Variants in LPXN observed in about 807,000 individuals in gnomAD.
LPXN encodes leupaxin.
Under a neutral mutation model 45.6 loss-of-function variants are expected in LPXN, and 28 were observed. The ratio of observed to expected loss-of-function variants is 0.61; its 90% CI spans 0.45 to 0.84. The LOEUF (loss-of-function observed/expected upper bound fraction) is 0.84. Among genes scored for constraint, LPXN ranks in the 40% least tolerant of loss-of-function variants. The probability of loss-of-function intolerance (pLI) is 0.00; values close to 1 mark genes in which losing one functional copy is unlikely to be tolerated. For missense variants in LPXN, 459 were observed against 475.0 expected, an observed-to-expected ratio of 0.97 and a Z score of 0.31; for synonymous variants, 166 against 169.9, an observed-to-expected ratio of 0.98 and a Z score of 0.18.
rs561318679 is a variant in LPXN, at chr11:58,564,779, G to C, written c.172-578C>G. 3.3e-5 allele frequency among the ~76,000 whole-genome samples: 5 copies of C among 152,326 alleles called. 1 individual carries two copies. Among genetic ancestry groups the C allele is most frequent in the African/African-American group, 1.2e-4 (5 of 41,572 alleles). ...ATAATAAAGAAATTGGTATGTAAAAGTAATATTCTGCATAGAGGATGGGAA... is the reference window on the plus strand; with the variant it reads ...ATAATAAAGAAATTGGTATGTAAAACTAATATTCTGCATAGAGGATGGGAA... On this transcript the variant is annotated intron_variant, in intron 2 of 8. Coordinates refer to ENST00000395074, the MANE Select transcript of LPXN (RefSeq NM_004811.3).
At chr11:58,529,910 G>C (rs940636152) in intron 7 of LPXN, among the ~76,000 whole-genome samples, 1 of 152,226 alleles carries the variant, frequency 6.6e-6, no homozygotes, top group East Asian at 1.9e-4. Flanking sequence ...GTGGGGTGTT[G>C]CCTCACCCAG....
chr11:58,559,609 C>T (rs1854311562), intron 3 of LPXN, among the ~76,000 whole-genome samples: 2 of 152,212 alleles, frequency 1.3e-5, no homozygotes, highest in African/African-American at 4.8e-5. Context: ...GGTGCAGTCA[C>T]TCATGCCTGT....
Position 58,527,555 on chromosome 11 carries a change from CAA to C in LPXN, c.1058_1059del (p.Phe353CysfsTer19). ...AACTGTGTCAGGCAGAAAGCACACA[CAA>C]AGTGCTCAGGATGGAACTTGTACCC... ...AMGYKFHPEH[F>X]VCAFCLTQLS... On this transcript the variant is annotated frameshift_variant, in exon 9 of 9. Coordinates refer to ENST00000395074, the MANE Select transcript of LPXN (RefSeq NM_004811.3). LOFTEE classifies it high-confidence loss of function. 1 of 1,614,182 alleles carries C rather than the reference CAA, an allele frequency of 6.2e-7. No individual in the cohort carries two copies. The highest frequency in any genetic ancestry group is 1.1e-5 in the South Asian group (1 of 91,082).
chr11:58,557,687 G>C (rs986189644), intron 3 of LPXN, among the ~76,000 whole-genome samples: 1 of 152,162 alleles, frequency 6.6e-6, no homozygotes, highest in African/African-American at 2.4e-5. Context: ...CCTGTTGCAA[G>C]AGTAAATTTT....
chr11:58,549,722 G>A (rs908140884), intron 7 of LPXN, 64 bp downstream of exon 7: 10 of 1,385,492 alleles, frequency 7.2e-6, no homozygotes, highest in African/African-American at 1.4e-5. Context: ...TACCAGGAAA[G>A]GTGTTGCTGG....
upstream of LPXN, among the ~76,000 whole-genome samples, chr11:58,576,183 T>A (rs1854885226): frequency 6.6e-6 from 1 of 152,070 alleles, no homozygotes. Context: ...TTTTTCTTTT[T>A]TTTTTTTCTG....
chr11:58,559,322 G>C (rs10896791), intron 3 of LPXN, among the ~76,000 whole-genome samples: 66,549 of 151,806 alleles, frequency 0.44, 14,832 homozygotes, highest in Middle Eastern at 0.54. Context: ...CCACTTGATT[G>C]AGCAATTTTG....
intron 3 of LPXN, 121 bp downstream of exon 3, chr11:58,564,034 G>T: frequency 1.6e-6 from 1 of 636,898 alleles, no homozygotes. Context: ...ATGGAAAGAG[G>T]AGGATGATAT....
chr11:58,575,728 C>G (rs201278822), intron 1 of LPXN, 32 bp downstream of exon 1: 30 of 1,613,782 alleles, frequency 1.9e-5, no homozygotes, highest in Middle Eastern at 1.6e-4. Flanking sequence ...GTCTTCACTC[C>G]CTCAGAGTTT....
intron 2 of LPXN, 144 bp downstream of exon 2, chr11:58,570,412 T>C (rs947149873): frequency 3.9e-6 from 2 of 516,126 alleles, no homozygotes; most frequent in Admixed American, 3.3e-5. Flanking sequence ...TCCAAAAACA[T>C]CTTTAGATTA....
At chr11:58,532,238 C>T (rs1853412284) in intron 7 of LPXN, among the ~76,000 whole-genome samples, 1 of 152,208 alleles carries the variant, frequency 6.6e-6, no homozygotes, top group South Asian at 2.1e-4. Flanking sequence ...CCACAGTGGG[C>T]TCCCATGCAG....
chr11:58,567,175 A>G (rs974353819), intron 2 of LPXN, among the ~76,000 whole-genome samples: 26 of 152,334 alleles, frequency 1.7e-4, no homozygotes, highest in Admixed American at 1.6e-3. Context: ...TAACTTGGTA[A>G]GAACATTTTT....
chr11:58,546,708 G>A (rs1372816611), intron 7 of LPXN, among the ~76,000 whole-genome samples: 1 of 152,126 alleles, frequency 6.6e-6, no homozygotes, highest in South Asian at 2.1e-4. Context: ...GCATTTTAGT[G>A]TCTCATTCTT....
At chr11:58,531,889 C>T (rs1853399089) in intron 7 of LPXN, among the ~76,000 whole-genome samples, 1 of 152,250 alleles carries the variant, frequency 6.6e-6, no homozygotes, top group African/African-American at 2.4e-5. Context: ...ACTGTGGGAG[C>T]CCCACTCTGG....
chr11:58,570,827 C>T (rs757736194), intron 1 of LPXN, 114 bp from the exon 2 acceptor site: 10 of 724,942 alleles, frequency 1.4e-5, no homozygotes, highest in Non-Finnish European at 2.1e-5. Flanking sequence ...TCAATTATGG[C>T]TATTTTCAAA....
At chr11:58,545,684 C>T (rs927004124) in intron 7 of LPXN, among the ~76,000 whole-genome samples, 1 of 152,060 alleles carries the variant, frequency 6.6e-6, no homozygotes, top group African/African-American at 2.4e-5. Flanking sequence ...CGTGTTGGTA[C>T]CACAAAAGTA....
intron 7 of LPXN, among the ~76,000 whole-genome samples, chr11:58,540,877 G>A (rs996449702): frequency 4.6e-5 from 7 of 151,996 alleles, no homozygotes; most frequent in African/African-American, 7.2e-5. Flanking sequence ...ATGAATAGCC[G>A]CAAAATAAAT....
At chr11:58,557,707 T>C (rs1398585948) in intron 3 of LPXN, among the ~76,000 whole-genome samples, 3 of 152,166 alleles carry the variant, frequency 2.0e-5, no homozygotes, top group Non-Finnish European at 4.4e-5. Context: ...TGGCTGTTCT[T>C]GCCACAAAAA....
intron 2 of LPXN, among the ~76,000 whole-genome samples, chr11:58,568,288 C>A (rs1325755227): frequency 1.3e-5 from 2 of 152,210 alleles, no homozygotes; most frequent in African/African-American, 2.4e-5. Flanking sequence ...CATTAGCCAT[C>A]TTTTGCATTT....
Sources: allele counts gnomAD v4.1 joint callset (sites outside exome capture counted in the v4.1 genomes callset), GRCh38; gene constraint gnomAD v4.1.1; transcripts MANE v1.5; gene names NCBI Gene and HGNC (gene_info 2026-07-23, HGNC 2026-07-21).